FHIT: variants seen among roughly 807,000 people sequenced by gnomAD.
The protein encoded by FHIT is bis(5'-adenosyl)-triphosphatase.
Under a neutral mutation model 17.9 loss-of-function variants are expected in FHIT, and 19 were observed. The observed-to-expected ratio is 1.06, with a 90% confidence interval of 0.74 to 1.56. The LOEUF (loss-of-function observed/expected upper bound fraction) is 1.56. Among genes scored for constraint, FHIT ranks in the 40% most tolerant of loss-of-function variants. The probability of loss-of-function intolerance (pLI) is 0.00; values close to 1 mark genes in which losing one functional copy is unlikely to be tolerated. For missense variants in FHIT, 248 were observed against 189.2 expected (o/e 1.31, Z -1.82); for synonymous variants, 81 against 69.7 (o/e 1.16, Z -0.81).
intron 5 of FHIT, among the ~76,000 whole-genome samples, chr3:60,447,335 C>T (rs1436366405): frequency 3.3e-5 from 5 of 152,016 alleles, no homozygotes; most frequent in Non-Finnish European, 7.4e-5. Context: ...ATTACTTCCC[C>T]AAGAAATAAT....
At chr3:59,850,242 T>C (rs890355468) in intron 8 of FHIT, among the ~76,000 whole-genome samples, 1 of 152,242 alleles carries the variant, frequency 6.6e-6, no homozygotes, top group Non-Finnish European at 1.5e-5. Context: ...ACTTTCATTA[T>C]CAGTGGACAA....
chr3:60,316,668 C>T (rs1219494979), intron 5 of FHIT, among the ~76,000 whole-genome samples: 1 of 152,136 alleles, frequency 6.6e-6, no homozygotes, highest in Non-Finnish European at 1.5e-5. Flanking sequence ...GTTACAACTG[C>T]CACAGGCTCA....
chr3:59,809,832 T>G (rs1407951960), intron 8 of FHIT, among the ~76,000 whole-genome samples: 3 of 152,152 alleles, frequency 2.0e-5, no homozygotes, highest in Non-Finnish European at 2.9e-5. Context: ...TCCCTCACAT[T>G]GTTCCTCCTT....
At chr3:60,595,613 G>A (rs1305503126) in intron 4 of FHIT, among the ~76,000 whole-genome samples, 9 of 129,766 alleles carry the variant, frequency 6.9e-5, no homozygotes, top group African/African-American at 3.3e-4. Context: ...GTAGATATAT[G>A]TGTGTATGTA....
intron 8 of FHIT, among the ~76,000 whole-genome samples, chr3:59,863,113 G>A (rs1215620976): frequency 6.6e-6 from 1 of 152,228 alleles, no homozygotes; most frequent in Non-Finnish European, 1.5e-5. Flanking sequence ...GCAGTACACT[G>A]CAACAGGGCC....
intron 5 of FHIT, among the ~76,000 whole-genome samples, chr3:60,189,339 G>C (rs1303845041): frequency 6.6e-6 from 1 of 152,074 alleles, no homozygotes; most frequent in East Asian, 1.9e-4. Context: ...TTCCTTTTCA[G>C]TGAATAAATT....
chr3:60,380,014 C>T (rs938754789), intron 5 of FHIT, among the ~76,000 whole-genome samples: 1 of 152,158 alleles, frequency 6.6e-6, no homozygotes, highest in Admixed American at 6.5e-5. Context: ...GTTATGTGAT[C>T]CATTCACTAT....
intron 5 of FHIT, among the ~76,000 whole-genome samples, chr3:60,130,794 T>TATATAC (rs1699523534): frequency 1.0e-5 from 1 of 99,110 alleles, no homozygotes; most frequent in Admixed American, 9.0e-5. Context: ...GGTGTGTATA[T>TATATAC]ACACACATAT....
chr3:60,760,257 C>A (rs1386569069), intron 4 of FHIT, among the ~76,000 whole-genome samples: 1 of 152,138 alleles, frequency 6.6e-6, no homozygotes, highest in African/African-American at 2.4e-5. Context: ...AGGTTCACGG[C>A]ACCATGAAGG....
At chr3:60,371,927 T>C (rs1450630143) in intron 5 of FHIT, among the ~76,000 whole-genome samples, 2 of 151,588 alleles carry the variant, frequency 1.3e-5, no homozygotes, top group Admixed American at 6.6e-5. Flanking sequence ...ACAATTCTAA[T>C]TTATTTTCCC....
At chr3:60,641,121 A>G (rs1470428603) in intron 4 of FHIT, among the ~76,000 whole-genome samples, 1 of 152,142 alleles carries the variant, frequency 6.6e-6, no homozygotes, top group Non-Finnish European at 1.5e-5. Flanking sequence ...TGGAGGTTGT[A>G]GTAAGCCAAG....
chr3:59,937,313 G>A (rs941120250), intron 7 of FHIT, among the ~76,000 whole-genome samples: 2 of 152,128 alleles, frequency 1.3e-5, no homozygotes, highest in Non-Finnish European at 2.9e-5. Flanking sequence ...GATGCCAGGA[G>A]AAATGAAGGA....
intron 5 of FHIT, among the ~76,000 whole-genome samples, chr3:60,330,205 C>T (rs1300156291): frequency 6.6e-6 from 1 of 152,130 alleles, no homozygotes; most frequent in Non-Finnish European, 1.5e-5. Context: ...ACTGACAGAG[C>T]AAGTATTCCA....
intron 5 of FHIT, among the ~76,000 whole-genome samples, chr3:60,426,474 C>G (rs1009614009): frequency 2.6e-5 from 4 of 152,126 alleles, no homozygotes; most frequent in South Asian, 4.2e-4. Flanking sequence ...GATAAATAGT[C>G]TCTACTTTGT....
intron 2 of FHIT, among the ~76,000 whole-genome samples, chr3:61,045,245 A>G (rs2033725967): frequency 6.6e-6 from 1 of 152,202 alleles, no homozygotes; most frequent in South Asian, 2.1e-4. Flanking sequence ...CCCATCTAAC[A>G]TGCAGAGACA....
chr3:60,398,109 G>A (rs1248780263), intron 5 of FHIT, among the ~76,000 whole-genome samples: 3 of 152,044 alleles, frequency 2.0e-5, no homozygotes, highest in Non-Finnish European at 4.4e-5. Context: ...CCTCCTGGTT[G>A]TGAGACAAGA....
intron 5 of FHIT, among the ~76,000 whole-genome samples, chr3:60,452,436 G>A (rs1336976770): frequency 6.6e-6 from 1 of 152,102 alleles, no homozygotes; most frequent in African/African-American, 2.4e-5. Flanking sequence ...TGGTAACATA[G>A]TAATTATTAA....
chr3:59,968,425 C>G (rs1306946155), intron 7 of FHIT, among the ~76,000 whole-genome samples: 1 of 150,346 alleles, frequency 6.7e-6, no homozygotes, highest in Non-Finnish European at 1.5e-5. Context: ...AGTAGGCTAT[C>G]AAAACAAAAA....
chr3:60,710,453 C>T (rs1291070359), intron 4 of FHIT, among the ~76,000 whole-genome samples: 3 of 152,170 alleles, frequency 2.0e-5, no homozygotes, highest in African/African-American at 7.2e-5. Flanking sequence ...CGTGCACCAG[C>T]TGAAGCAGGG....
Sources: allele counts gnomAD v4.1 joint callset (sites outside exome capture counted in the v4.1 genomes callset), GRCh38; gene constraint gnomAD v4.1.1; transcripts MANE v1.5; gene names NCBI Gene and HGNC (gene_info 2026-07-23, HGNC 2026-07-21).